SNX29: variants seen among roughly 807,000 people sequenced by gnomAD.
SNX29 encodes sorting nexin 29.
Under a neutral mutation model 102.1 loss-of-function variants are expected in SNX29, and 78 were observed. That is an observed-to-expected ratio of 0.76 (90% CI 0.64 to 0.92). SNX29 has a LOEUF of 0.92. SNX29 is among the 40% of genes least tolerant of loss of function. The pLI is 0.00. For missense variants in SNX29, 1,280 were observed against 1,061.7 expected (o/e 1.21, Z -2.86); for synonymous variants, 580 against 414.5 (o/e 1.40, Z -4.85).
intron 20 of SNX29, among the ~76,000 whole-genome samples, chr16:12,552,300 C>T (rs1054298083): frequency 6.6e-6 from 1 of 152,152 alleles, no homozygotes; most frequent in African/African-American, 2.4e-5. Flanking sequence ...TCAGTTTCCT[C>T]TTCTAGAAGA....
At chr16:12,219,066 G>A (rs889595934) in intron 14 of SNX29, among the ~76,000 whole-genome samples, 6 of 152,096 alleles carry the variant, frequency 3.9e-5, no homozygotes, top group African/African-American at 4.8e-5. Context: ...GAGCCACCGC[G>A]CCTGGCCCTG....
chr16:12,543,611 G>C (rs2141273518), intron 20 of SNX29, among the ~76,000 whole-genome samples: 1 of 152,316 alleles, frequency 6.6e-6, no homozygotes, highest in East Asian at 1.9e-4. Context: ...CCGATGGAGT[G>C]GGCAGTGCCC....
intron 1 of SNX29, among the ~76,000 whole-genome samples, chr16:11,993,071 A>G (rs1318741402): frequency 6.6e-6 from 1 of 152,110 alleles, no homozygotes; most frequent in African/African-American, 2.4e-5. Context: ...AGGCTGAGGT[A>G]GGAGAATTGC....
rs533467139 is a variant in SNX29 at position 12,571,981 on chromosome 16, C to G, written c.*3352C>G. 1.1e-5 allele frequency: 12 copies of G among 1,061,974 alleles called. No homozygotes were observed. Among genetic ancestry groups the G allele is most frequent in the Non-Finnish European group, 1.4e-5 (12 of 877,120 alleles). 65.8% of individuals were successfully genotyped at this position (1,061,974 alleles called of 1,614,324 possible). On this transcript the variant is annotated 3_prime_UTR_variant, in exon 21 of 21. Coordinates refer to ENST00000566228, the MANE Select transcript of SNX29 (RefSeq NM_032167.5). ...TACAGTCTATGGTGGTAGCCATCTTCACATCCAGTCACCAGTTGCATCTAG... is the reference window on the plus strand; with the variant it reads ...TACAGTCTATGGTGGTAGCCATCTTGACATCCAGTCACCAGTTGCATCTAG...
chr16:12,173,689 T>C (rs2076199910), intron 13 of SNX29, among the ~76,000 whole-genome samples: 1 of 152,244 alleles, frequency 6.6e-6, no homozygotes, highest in Non-Finnish European at 1.5e-5. Flanking sequence ...AAGGCTTCAT[T>C]TTCCAACCTC....
intron 18 of SNX29, among the ~76,000 whole-genome samples, chr16:12,462,593 TACAC>T (rs35348415): frequency 6.6e-6 from 1 of 150,918 alleles, no homozygotes; most frequent in African/African-American, 2.4e-5. Flanking sequence ...GATTTCATTA[TACAC>T]ACACACACAC....
intron 15 of SNX29, among the ~76,000 whole-genome samples, chr16:12,296,155 G>GAAAAAT (rs2079973490): frequency 6.6e-6 from 1 of 152,196 alleles, no homozygotes; most frequent in Non-Finnish European, 1.5e-5. Context: ...CTGTGCTCTG[G>GAAAAAT]CTCGGGAGGA....
chr16:12,100,100 G>A (rs1347909405), intron 11 of SNX29, among the ~76,000 whole-genome samples: 1 of 152,166 alleles, frequency 6.6e-6, no homozygotes, highest in East Asian at 1.9e-4. Flanking sequence ...GAGAGCATGG[G>A]ACTTCAAAGC....
rs567007004 is a variant in SNX29 at position 12,219,183 on chromosome 16, C to A, written c.1678+19500C>A. ...CAGAAGTGCTGTTGCTGATTCAAAG[C>A]GTGGGTGCAGCGTCCATCATTTGGT... On this transcript the variant is annotated intron_variant, in intron 14 of 20. Transcript: ENST00000566228. Among the ~76,000 whole-genome samples, 204 of 151,836 alleles carry A rather than the reference C, an allele frequency of 1.3e-3. 1 individual carries two copies. Among genetic ancestry groups the A allele is most frequent in the Non-Finnish European group, 1.5e-3 (100 of 67,988 alleles).
At chr16:12,321,912 C>T (rs1216634773) in intron 15 of SNX29, among the ~76,000 whole-genome samples, 2 of 152,138 alleles carry the variant, frequency 1.3e-5, no homozygotes, top group Non-Finnish European at 1.5e-5. Flanking sequence ...CGTGGATGAG[C>T]TTTGGGATTT....
At chr16:12,287,189 A>G (rs1321843864) in intron 15 of SNX29, among the ~76,000 whole-genome samples, 2 of 152,166 alleles carry the variant, frequency 1.3e-5, no homozygotes, top group Non-Finnish European at 2.9e-5. Flanking sequence ...TCATGTCAGC[A>G]GCACACTACA....
chr16:12,010,114 A>G (rs537150321), intron 3 of SNX29, among the ~76,000 whole-genome samples: 1 of 152,356 alleles, frequency 6.6e-6, no homozygotes, highest in South Asian at 2.1e-4. Context: ...TATTCACTTC[A>G]GAGGGTTGTT....
intron 13 of SNX29, among the ~76,000 whole-genome samples, chr16:12,188,601 C>T (rs2076570190): frequency 6.6e-6 from 1 of 152,138 alleles, no homozygotes; most frequent in Admixed American, 6.5e-5. Flanking sequence ...GGCTGTTTCT[C>T]TGGCTCTGGA....
chr16:12,403,963 C>T (rs1195911393), intron 18 of SNX29, among the ~76,000 whole-genome samples: 1 of 152,146 alleles, frequency 6.6e-6, no homozygotes, highest in Non-Finnish European at 1.5e-5. Flanking sequence ...CCAGCAGCGC[C>T]AGGTTCTCAG....
chr16:12,407,068 C>G (rs1281868951), intron 18 of SNX29, among the ~76,000 whole-genome samples: 4 of 152,234 alleles, frequency 2.6e-5, no homozygotes, highest in Admixed American at 6.5e-5. Flanking sequence ...TTGGAACAAG[C>G]TCTCCTAGCG....
intron 15 of SNX29, among the ~76,000 whole-genome samples, chr16:12,334,464 A>G (rs2081385099): frequency 6.6e-6 from 1 of 152,156 alleles, no homozygotes; most frequent in Non-Finnish European, 1.5e-5. Context: ...CTTTGCATGA[A>G]TGATTTCACT....
intron 19 of SNX29, among the ~76,000 whole-genome samples, chr16:12,487,952 T>G (rs2088331699): frequency 6.6e-6 from 1 of 152,120 alleles, no homozygotes; most frequent in African/African-American, 2.4e-5. Flanking sequence ...AAAAGCCTCT[T>G]AAGATATTTT....
At chr16:12,515,453 G>T in intron 19 of SNX29, 1 of 477,420 alleles carries the variant, frequency 2.1e-6, no homozygotes, top group South Asian at 1.6e-5. Flanking sequence ...CCCTGAAATA[G>T]ATCAGTCAGC....
intron 20 of SNX29, among the ~76,000 whole-genome samples, chr16:12,537,752 C>T (rs112837426): frequency 7.2e-5 from 11 of 152,124 alleles, no homozygotes; most frequent in East Asian, 5.8e-4. Flanking sequence ...GACCTCTATC[C>T]TATGTGGGGT....
Sources: allele counts gnomAD v4.1 joint callset (sites outside exome capture counted in the v4.1 genomes callset), GRCh38; gene constraint gnomAD v4.1.1; transcripts MANE v1.5; gene names NCBI Gene and HGNC (gene_info 2026-07-23, HGNC 2026-07-21).